The following RAB43 variants were observed in gnomAD, a reference collection of about 807,000 sequenced individuals.
RAB43 encodes the protein ras-related protein Rab-43.
In RAB43, 6 loss-of-function variants were observed where a neutral mutation model predicts 18.8. That is an observed-to-expected ratio of 0.32 (90% CI 0.17 to 0.63). RAB43 has a LOEUF of 0.63. Ranked by LOEUF, RAB43 falls within the 30% of genes least tolerant of loss-of-function variation. The pLI is 0.79. For synonymous variants in RAB43, 103 were observed against 124.1 expected (o/e 0.83, Z 1.13); for missense variants, 195 against 289.1 (o/e 0.67, Z 2.36).
intron 1 of RAB43, among the ~76,000 whole-genome samples, chr3:129,097,742 T>A (rs2107989447): frequency 6.6e-6 from 1 of 152,272 alleles, no homozygotes; most frequent in South Asian, 2.1e-4. Context: ...CATGGCAGCA[T>A]CGCTGGTGGC....
chr3:129,114,936 G>A (rs1379092296), intron 1 of RAB43, among the ~76,000 whole-genome samples: 2 of 152,130 alleles, frequency 1.3e-5, no homozygotes, highest in Admixed American at 6.6e-5. Context: ...TTTACGGTCA[G>A]CTGGGCAACT....
intron 1 of RAB43, among the ~76,000 whole-genome samples, 157 bp downstream of exon 1, chr3:129,121,129 C>G (rs1037002511): frequency 6.7e-5 from 10 of 149,652 alleles, no homozygotes; most frequent in African/African-American, 2.4e-4. Flanking sequence ...GGCCCAGACC[C>G]CGGGGCCCAG....
At chr3:129,109,399 G>GA (rs1437410482) in intron 1 of RAB43, among the ~76,000 whole-genome samples, 1 of 143,438 alleles carries the variant, frequency 7.0e-6, no homozygotes, top group East Asian at 2.1e-4. Flanking sequence ...GACAGAGCGA[G>GA]ACTCCGTCTC....
chr3:129,098,031 C>A (rs898715755), intron 1 of RAB43, among the ~76,000 whole-genome samples: 1 of 151,976 alleles, frequency 6.6e-6, no homozygotes, highest in Non-Finnish European at 1.5e-5. Context: ...TAGGGGGAGC[C>A]CAAAAGTCTA....
At chr3:129,110,719 C>T (rs1302254276) in intron 1 of RAB43, among the ~76,000 whole-genome samples, 1 of 151,944 alleles carries the variant, frequency 6.6e-6, no homozygotes, top group East Asian at 1.9e-4. Context: ...AGAGTGGCTG[C>T]TTATGGTGAT....
chr3:129,092,131 G>A (rs1553775603), intron 2 of RAB43, among the ~76,000 whole-genome samples: 1 of 150,604 alleles, frequency 6.6e-6, no homozygotes, highest in Non-Finnish European at 1.5e-5. Flanking sequence ...GTAGCAACCA[G>A]TTTCAAAGTG....
intron 1 of RAB43, among the ~76,000 whole-genome samples, chr3:129,120,866 C>T (rs535542617): frequency 2.0e-5 from 3 of 152,186 alleles, no homozygotes; most frequent in Non-Finnish European, 4.4e-5. Flanking sequence ...GGCTGAGTGC[C>T]CCGCCGGTGG....
intron 1 of RAB43, among the ~76,000 whole-genome samples, chr3:129,116,161 T>C (rs1002614067): frequency 1.3e-5 from 2 of 152,234 alleles, no homozygotes; most frequent in African/African-American, 4.8e-5. Context: ...ACATAGTCTA[T>C]ATAGCGTTCA....
At chr3:129,109,795 C>T (rs1395180260) in intron 1 of RAB43, among the ~76,000 whole-genome samples, 2 of 151,470 alleles carry the variant, frequency 1.3e-5, no homozygotes, top group Non-Finnish European at 2.9e-5. Flanking sequence ...GTCTAAGTAA[C>T]TTGGTACATA....
chr3:129,103,752 A>G (rs190279652), intron 1 of RAB43, among the ~76,000 whole-genome samples: 1 of 152,182 alleles, frequency 6.6e-6, no homozygotes, highest in Admixed American at 6.5e-5. Flanking sequence ...TTTAGTAGAG[A>G]CAGGGTTTCA....
chr3:129,093,193 G>C (rs543579745), intron 2 of RAB43, among the ~76,000 whole-genome samples: 1 of 151,796 alleles, frequency 6.6e-6, no homozygotes, highest in South Asian at 2.1e-4. Context: ...GTTTCACCAT[G>C]TTGCCCAGGC....
rs1933998475 is a variant in RAB43, at chr3:129,095,616, C to A, written c.205-447G>T. On this transcript the variant is annotated intron_variant, in intron 1 of 2. Coordinates refer to ENST00000315150, the MANE Select transcript of RAB43 (RefSeq NM_198490.3). The surrounding 1 kb of genome is among the most constrained non-coding windows in gnomAD (Gnocchi z 4.2). ...ACGTACCCAGCTGTGTGTGAGGCTC[C>A]TCCAGCATTAGGGTTCCCTCAGGAC... Among the ~76,000 whole-genome samples, 1 of 152,210 alleles carries A rather than the reference C, an allele frequency of 6.6e-6. No individual in the cohort carries two copies. Among genetic ancestry groups the A allele is most frequent in the Non-Finnish European group, 1.5e-5 (1 of 68,024 alleles).
Position 129,095,597 on chromosome 3 carries a change from C to G in RAB43, c.205-428G>C, listed in dbSNP as rs1277607066. ...CCTCCCCTACAAGAGCATCACGTAC[C>G]CAGCTGTGTGTGAGGCTCCTCCAGC... On this transcript the variant is annotated intron_variant, in intron 1 of 2. Coordinates refer to ENST00000315150, the MANE Select transcript of RAB43 (RefSeq NM_198490.3). This position sits in a 1 kb window ranked among gnomAD's most constrained non-coding sequence, Gnocchi z 4.2. Among the ~76,000 whole-genome samples the G allele has an allele frequency of 6.6e-6, 1 of 152,202 alleles. No homozygotes were observed. The highest frequency in any genetic ancestry group is 2.4e-5 in the African/African-American group (1 of 41,456).
chr3:129,109,550 AAC>A (rs1935014499), intron 1 of RAB43, among the ~76,000 whole-genome samples: 1 of 151,414 alleles, frequency 6.6e-6, no homozygotes, highest in Non-Finnish European at 1.5e-5. Flanking sequence ...CAGCCTGGCC[AAC>A]AGAGTGAAAC....
chr3:129,091,308 A>C lies in RAB43; in HGVS notation c.427T>G (p.Leu143Val). The change falls in exon 3 of 3, where the codon TTG becomes GTG. Residue 143 changes from leucine (L) to valine (V), a missense_variant. Transcript: ENST00000315150. ...TCAGCCAGGCTCTGTGCCTCAGCCAAGGAGACCTCCCGAAGCTCGCTGAGG... is the reference window on the plus strand; with the variant it reads ...TCAGCCAGGCTCTGTGCCTCAGCCACGGAGACCTCCCGAAGCTCGCTGAGG... ...SDLSELREVS[L>V]AEAQSLAEHY... The C allele has an allele frequency of 6.3e-7, 1 of 1,599,980 alleles. No individual in the cohort carries two copies. Among genetic ancestry groups the C allele is most frequent in the African/African-American group, 1.3e-5 (1 of 74,800 alleles).
At chr3:129,100,958 C>T (rs1398509318) in intron 1 of RAB43, among the ~76,000 whole-genome samples, 1 of 152,202 alleles carries the variant, frequency 6.6e-6, no homozygotes, top group East Asian at 1.9e-4. Flanking sequence ...AGGCGTGTGC[C>T]ACCACACCCA....
chr3:129,116,720 C>G (rs1254232757), intron 1 of RAB43, among the ~76,000 whole-genome samples: 1 of 152,182 alleles, frequency 6.6e-6, no homozygotes, highest in Non-Finnish European at 1.5e-5. Flanking sequence ...AGAGATCTGG[C>G]AGCATCCCTA....
intron 1 of RAB43, among the ~76,000 whole-genome samples, chr3:129,113,615 GA>G (rs1490919741): frequency 6.6e-6 from 1 of 152,222 alleles, no homozygotes; most frequent in African/African-American, 2.4e-5. Flanking sequence ...TTCCAATCCA[GA>G]AAAGGGAGAT....
rs1366047996 is a variant in RAB43, at chr3:129,095,640, A to C, written c.205-471T>G. 4.6e-5 allele frequency among the ~76,000 whole-genome samples: 7 copies of C among 151,940 alleles called. No homozygotes were observed. On this transcript the variant is annotated intron_variant, in intron 1 of 2. Coordinates refer to ENST00000315150, the MANE Select transcript of RAB43 (RefSeq NM_198490.3). This position sits in a 1 kb window ranked among gnomAD's most constrained non-coding sequence, Gnocchi z 4.2. ...CCTCCAGCATTAGGGTTCCCTCAGG[A>C]CTCTACAGCTTGGTGATGAGGACTG...
Sources: gnomAD v4.1 joint callset for allele counts (sites outside exome capture counted in the v4.1 genomes callset) on GRCh38, gnomAD v4.1.1 for gene constraint, Gnocchi (gnomAD v3.1) non-coding constraint, MANE v1.5 for transcripts, NCBI Gene and HGNC (gene_info 2026-07-23, HGNC 2026-07-21) for gene names.